Variants in GCA observed in about 807,000 individuals in gnomAD.
The protein encoded by GCA is grancalcin, also known as grancalcin, EF-hand calcium-binding protein.
A neutral mutation model predicts 32.6 loss-of-function variants in GCA; 30 were observed. That is an observed-to-expected ratio of 0.92 (90% CI 0.69 to 1.25). GCA has a LOEUF of 1.25. Among genes scored for constraint, GCA ranks in the 50% most tolerant of loss-of-function variants. The pLI is 0.00. For synonymous variants in GCA, 102 were observed against 84.6 expected, an observed-to-expected ratio of 1.21 and a Z score of -1.13; for missense variants, 291 against 266.8, an observed-to-expected ratio of 1.09 and a Z score of -0.63.
At chr2:162,373,109 A>C (rs1686022915), downstream of GCA, among the ~76,000 whole-genome samples, 1 of 152,152 alleles carries the variant, frequency 6.6e-6, no homozygotes. Flanking sequence ...TTTGGGACCC[A>C]GATTTTTCCT....
At chr2:162,351,652 C>T (rs1486094821) in intron 2 of GCA, among the ~76,000 whole-genome samples, 1 of 152,014 alleles carries the variant, frequency 6.6e-6, no homozygotes, top group Non-Finnish European at 1.5e-5. Context: ...CCTCCTTGAT[C>T]CTTCATCATA....
downstream of GCA, among the ~76,000 whole-genome samples, chr2:162,374,561 G>A (rs1313894562): frequency 6.6e-6 from 1 of 151,874 alleles, no homozygotes; most frequent in Non-Finnish European, 1.5e-5. Flanking sequence ...TTTTGCCTCT[G>A]AATAAAAAAT....
intron 3 of GCA, among the ~76,000 whole-genome samples, chr2:162,356,134 T>C (rs1685255814): frequency 6.6e-6 from 1 of 152,064 alleles, no homozygotes; most frequent in Non-Finnish European, 1.5e-5. Context: ...AAGCCTTCCT[T>C]TTCCCCAGGC....
intron 2 of GCA, 113 bp from the exon 3 acceptor site, chr2:162,352,225 A>G: frequency 1.5e-6 from 1 of 649,250 alleles, no homozygotes; most frequent in Non-Finnish European, 2.8e-6. Context: ...TTAATTATAG[A>G]GTAATGTTTC....
At chr2:162,319,939 A>G (rs1411345604) in intron 1 of GCA, among the ~76,000 whole-genome samples, 2 of 152,244 alleles carry the variant, frequency 1.3e-5, no homozygotes, top group Non-Finnish European at 2.9e-5. Flanking sequence ...CATACAAAAT[A>G]TCCAAATGAG....
chr2:162,373,728 A>C (rs1478714846), downstream of GCA: 1 of 1,185,130 alleles, frequency 8.4e-7, no homozygotes, highest in African/African-American at 1.6e-5. Flanking sequence ...AGCATTTAAA[A>C]AAATTTCAGC....
rs138051306 is a variant in GCA at position 162,328,640 on chromosome 2, G to T, written c.-31+9415G>T. Among the ~76,000 whole-genome samples, 1,144 of 152,292 alleles carry T rather than the reference G, an allele frequency of 7.5e-3. 12 individuals carry two copies. The highest frequency in any genetic ancestry group is 0.026 in the African/African-American group (1,089 of 41,548). On this transcript the variant is annotated intron_variant, in intron 1 of 4. Transcript: ENST00000429691. ...AATATTTACAGCTCCTGAAGCCTCG[G>T]TGGGAGTGTATTACAGGGTACTCTT...
At chr2:162,325,368 C>A (rs1320147512) in intron 1 of GCA, among the ~76,000 whole-genome samples, 1 of 152,174 alleles carries the variant, frequency 6.6e-6, no homozygotes, top group Non-Finnish European at 1.5e-5. Flanking sequence ...AGGAGGTCCT[C>A]TAACATACTG....
chr2:162,361,639 A>G lies in GCA; in HGVS notation c.*1396A>G. ...AGTAACGCATAGTCACTTGACACTG[A>G]TAATTTTATATAATTTGCTGTCAAA... On this transcript the variant is annotated 3_prime_UTR_variant, in exon 8 of 8. Transcript: ENST00000437150. 6.1e-6 allele frequency: 6 copies of G among 984,040 alleles called. No individual in the cohort carries two copies. Among genetic ancestry groups the G allele is most frequent in the Non-Finnish European group, 7.2e-6 (6 of 828,832 alleles). 61.0% of individuals were successfully genotyped at this position (984,040 alleles called of 1,614,324 possible). A position where few individuals can be genotyped will look rare whatever the true frequency, so the allele number is the denominator to read the frequency against.
chr2:162,328,285 G>A (rs529163376), intron 1 of GCA, among the ~76,000 whole-genome samples: 3 of 151,856 alleles, frequency 2.0e-5, no homozygotes, highest in Admixed American at 6.6e-5. Context: ...ACAGCTACTC[G>A]GGAGGCTGAG....
upstream of GCA, among the ~76,000 whole-genome samples, chr2:162,340,573 T>G (rs1229499731): frequency 6.6e-6 from 1 of 152,088 alleles, no homozygotes; most frequent in Non-Finnish European, 1.5e-5. Flanking sequence ...CCTTCCTAAA[T>G]CGTATCATGT....
chr2:162,373,533 C>A (rs139528360), downstream of GCA: 1 of 1,588,812 alleles, frequency 6.3e-7, no homozygotes, highest in Non-Finnish European at 8.6e-7. Flanking sequence ...TGGTTCTCAT[C>A]AGCTGGATGA....
chr2:162,358,292 G>A (rs1035299525), intron 5 of GCA, among the ~76,000 whole-genome samples: 5 of 151,456 alleles, frequency 3.3e-5, no homozygotes, highest in East Asian at 1.9e-4. Context: ...AGTTGTATTC[G>A]TTTTAAATTT....
At chr2:162,371,555 C>T in exon 5 of GCA, 1 of 872,698 alleles carries the variant, frequency 1.1e-6, no homozygotes, top group Non-Finnish European at 1.5e-6. Context: ...ATTGGAGTTT[C>T]CTAACATGCA....
At chr2:162,347,839 T>G (rs1684787868) in intron 2 of GCA, 97 bp downstream of exon 2, 1 of 627,108 alleles carries the variant, frequency 1.6e-6, no homozygotes, top group Non-Finnish European at 2.4e-6. Flanking sequence ...TATATGAAAT[T>G]TATATTTTAT....
At chr2:162,336,290 T>G (rs1684268132) in intron 1 of GCA, among the ~76,000 whole-genome samples, 1 of 152,220 alleles carries the variant, frequency 6.6e-6, no homozygotes, top group African/African-American at 2.4e-5. Context: ...AAACATGTAT[T>G]TATTGATGTG....
Position 162,358,872 on chromosome 2 carries a change from A to C in GCA, c.455-172A>C, listed in dbSNP as rs564974509. On this transcript the variant is annotated intron_variant, in intron 5 of 7. Coordinates refer to ENST00000437150, the MANE Select transcript of GCA (RefSeq NM_012198.5). The stretch of plus-strand genomic sequence containing the variant: ...TTGTGATATTTATATACCGATTAAC[A>C]GGATTAACAGTGAAGCCTTTGTCTG... Among the ~76,000 whole-genome samples the C allele has an allele frequency of 2.0e-5, 3 of 151,612 alleles. No individual in the cohort carries two copies. In the East Asian group the frequency reaches 5.8e-4, roughly 29 times the overall value.
At chr2:162,369,116 T>C (rs1558909903) in intron 4 of GCA, among the ~76,000 whole-genome samples, 1 of 152,082 alleles carries the variant, frequency 6.6e-6, no homozygotes, top group African/African-American at 2.4e-5. Flanking sequence ...GCCATTATGA[T>C]TGGCTGCAGC....
downstream of GCA, among the ~76,000 whole-genome samples, chr2:162,364,605 G>A (rs1685693806): frequency 6.6e-6 from 1 of 151,416 alleles, no homozygotes; most frequent in Non-Finnish European, 1.5e-5. Context: ...ATGAAGGTTG[G>A]GAAATCTAAG....
Sources: allele counts gnomAD v4.1 joint callset (sites outside exome capture counted in the v4.1 genomes callset), GRCh38; gene constraint gnomAD v4.1.1; transcripts MANE v1.5; gene names NCBI Gene and HGNC (gene_info 2026-07-23, HGNC 2026-07-21).